The following HSPA2 variants were observed in gnomAD, a reference collection of about 807,000 sequenced individuals.
The protein encoded by HSPA2 is heat shock protein family A (Hsp70) member 2.
A neutral mutation model predicts 35.0 loss-of-function variants in HSPA2; 13 were observed. The observed-to-expected ratio is 0.37, with a 90% CI of 0.24 to 0.59. The LOEUF (loss-of-function observed/expected upper bound fraction) is 0.59, where lower values mean the gene tolerates loss of function less well. HSPA2 is among the 20% of genes least tolerant of loss of function. HSPA2 has a pLI of 0.70. For synonymous variants in HSPA2, 368 were observed against 382.1 expected (o/e 0.96, Z 0.43); for missense variants, 565 against 885.4 (o/e 0.64, Z 4.59).
chr14:64,536,707 C>G (rs2079982687), upstream of HSPA2, among the ~76,000 whole-genome samples: 1 of 152,188 alleles, frequency 6.6e-6, no homozygotes, highest in African/African-American at 2.4e-5. Flanking sequence ...CCACTGCATT[C>G]CAGCCTGGGT....
chr14:64,541,443 G>A lies in HSPA2; in HGVS notation c.594G>A (p.Val198=), dbSNP rs199807612. The stretch of plus-strand genomic sequence containing the variant: ...GCTGCGCGGGCGGCGAGAAGAACGT[G>A]CTCATCTTTGACCTGGGCGGTGGCA... ...KKGCAGGEKN[V]LIFDLGGGTF... Residue 198 remains valine (V), a synonymous_variant, in exon 1 of 1, where the codon GTG becomes GTA. Transcript: ENST00000247207. The A allele has an allele frequency of 1.2e-6, 2 of 1,613,488 alleles. No homozygotes were observed. The highest frequency in any genetic ancestry group is 2.7e-5 in the African/African-American group (2 of 74,878).
In HSPA2 at chr14:64,541,012, G is replaced by T. The variant is rs773563426; in HGVS notation, c.163G>T (p.Ala55Ser). ...GGACACCGAGCGCCTCATCGGCGAC[G>T]CCGCCAAGAACCAGGTGGCCATGAA... ...FTDTERLIGD[A>S]AKNQVAMNPT... Residue 55 changes from alanine (A) to serine (S), a missense_variant, in exon 1 of 1, where the codon GCC (alanine) becomes TCC (serine). Physicochemically the swap from Ala to Ser is moderately conservative, Grantham distance 99. This residue lies in a region of HSPA2 where 183 missense variants were observed against 281.6 expected (regional missense o/e 0.65). Transcript: ENST00000247207. 6.8e-6 allele frequency: 11 copies of T among 1,614,172 alleles called. No individual in the cohort carries two copies. Among genetic ancestry groups the T allele is most frequent in the Non-Finnish European group, 8.5e-6 (10 of 1,180,040 alleles).
chr14:64,536,798 A>G (rs2079983225), upstream of HSPA2, among the ~76,000 whole-genome samples: 1 of 152,176 alleles, frequency 6.6e-6, no homozygotes. Context: ...CTTTTTTGGG[A>G]AAAGCTTAGG....
Position 64,542,139 on chromosome 14 carries a change from C to G in HSPA2, c.1290C>G (p.Thr430=). Residue 430 remains threonine, a synonymous_variant, in exon 1 of 1, where the codon ACC becomes ACG. Coordinates refer to ENST00000247207, the MANE Select transcript of HSPA2 (RefSeq NM_021979.4). This position sits in a 1 kb window ranked among gnomAD's most constrained non-coding sequence, Gnocchi z 5.7. ...CGATCCCCACCAAGCAGACGCAGACCTTCACCACCTACTCGGACAACCAGA... is the reference window on the plus strand; with the variant it reads ...CGATCCCCACCAAGCAGACGCAGACGTTCACCACCTACTCGGACAACCAGA... ...NTTIPTKQTQ[T]FTTYSDNQSS... 6.2e-7 allele frequency: 1 copy of G among 1,613,688 alleles called. No homozygotes were observed. Among genetic ancestry groups the G allele is most frequent in the Non-Finnish European group, 8.5e-7 (1 of 1,180,010 alleles).
At chr14:64,540,731 G>C (rs912789298), upstream of HSPA2, 179 of 1,451,260 alleles carry the variant, frequency 1.2e-4, no homozygotes, top group Non-Finnish European at 1.6e-4. Flanking sequence ...GGAACTGGGC[G>C]CGGGGAGCTG....
At chr14:64,539,348 G>C (rs988903319), upstream of HSPA2, among the ~76,000 whole-genome samples, 1 of 152,128 alleles carries the variant, frequency 6.6e-6, no homozygotes, top group South Asian at 2.1e-4. Flanking sequence ...GTGTGCCAGG[G>C]TGACCGAGAC....
upstream of HSPA2, among the ~76,000 whole-genome samples, chr14:64,539,632 G>C (rs2080007697): frequency 6.6e-6 from 1 of 152,176 alleles, no homozygotes; most frequent in South Asian, 2.1e-4. Context: ...GCGGGAAAAC[G>C]GTCGGCCTCG....
At position 64,541,885 on chromosome 14, in the gene HSPA2, A is replaced by T; in HGVS notation, c.1036A>T (p.Ile346Phe). The change falls in exon 1 of 1, where the codon ATC becomes TTC. Residue 346 changes from isoleucine (I) to phenylalanine (F), a missense_variant. Transcript: ENST00000247207. The stretch of plus-strand genomic sequence containing the variant: ...CGTGCTGGTGGGCGGCTCCACTCGT[A>T]TCCCCAAGATCCAGAAGCTGCTGCA... ...EIVLVGGSTR[I>F]PKIQKLLQDF... 2 of 1,613,582 alleles carry T rather than the reference A, an allele frequency of 1.2e-6. No homozygotes were observed. Among genetic ancestry groups the T allele is most frequent in the Non-Finnish European group, 1.7e-6 (2 of 1,180,030 alleles).
At position 64,542,439 on chromosome 14, in the gene HSPA2, G is replaced by A. The variant is rs17853551; in HGVS notation, c.1590G>A (p.Ser530=). 1 of 1,613,878 alleles carries A rather than the reference G, an allele frequency of 6.2e-7. No individual in the cohort carries two copies. The highest frequency in any genetic ancestry group is 1.1e-5 in the South Asian group (1 of 91,060). Residue 530 remains serine (S), a synonymous_variant, in exon 1 of 1, where the codon TCG becomes TCA. Coordinates refer to ENST00000247207, the MANE Select transcript of HSPA2 (RefSeq NM_021979.4). The surrounding 1 kb of genome is among the most constrained non-coding windows in gnomAD (Gnocchi z 5.7). ...TGCAGGAGGCGGAGCGGTACAAATC[G>A]GAAGATGAGGCGAATCGCGACCGAG... The part of the protein sequence containing the change: ...RMVQEAERYK[S]EDEANRDRVA...
chr14:64,540,808 C>G lies in HSPA2; in HGVS notation c.-42C>G, dbSNP rs751507486. On this transcript the variant is annotated 5_prime_UTR_variant, in exon 1 of 1. Transcript: ENST00000247207. ...TTAGTTGACTCCGCGGAGTTCATCT[C>G]CCTGGTTTTCCCGTCCTAACGTCGC... 6.2e-7 allele frequency: 1 copy of G among 1,604,982 alleles called. No homozygotes were observed. Among genetic ancestry groups the G allele is most frequent in the Admixed American group, 1.7e-5 (1 of 59,618 alleles).
upstream of HSPA2, chr14:64,540,432 G>A (rs768853471): frequency 2.5e-5 from 6 of 241,892 alleles, no homozygotes; most frequent in Non-Finnish European, 4.1e-5. Context: ...GAAAAAGCGC[G>A]TACACCTGGC....
In HSPA2 at chr14:64,541,686, G is replaced by A. The variant is rs997116111; in HGVS notation, c.837G>A (p.Ser279=). Residue 279 remains serine (S), a synonymous_variant, in exon 1 of 1, where the codon TCG becomes TCA. Transcript: ENST00000247207. The stretch of plus-strand genomic sequence containing the variant: ...AGCGCGCCAAGCGCACCCTGAGCTC[G>A]TCCACGCAGGCGAGCATCGAGATCG... ...ACERAKRTLS[S]STQASIEIDS... is the part of the protein sequence containing the mutation. The A allele has an allele frequency of 6.2e-7, 1 of 1,611,868 alleles. No homozygotes were observed. Among genetic ancestry groups the A allele is most frequent in the Non-Finnish European group, 8.5e-7 (1 of 1,179,696 alleles).
upstream of HSPA2, among the ~76,000 whole-genome samples, chr14:64,537,059 C>G (rs1467466068): frequency 1.3e-5 from 2 of 152,312 alleles, no homozygotes; most frequent in South Asian, 2.1e-4. Context: ...CCTGCTTGCT[C>G]TTTTGCAATC....
upstream of HSPA2, among the ~76,000 whole-genome samples, chr14:64,538,877 G>A (rs892581252): frequency 2.6e-5 from 4 of 152,256 alleles, no homozygotes; most frequent in African/African-American, 4.8e-5. Flanking sequence ...TCGTTCTGTC[G>A]CCCAGGCTGG....
Position 64,542,722 on chromosome 14 carries a change from G to A in HSPA2, c.1873G>A (p.Gly625Ser). 2.5e-6 allele frequency: 4 copies of A among 1,613,436 alleles called. No homozygotes were observed. Among genetic ancestry groups the A allele is most frequent in the Middle Eastern group, 1.7e-4 (1 of 6,060 alleles). Reference sequence around the variant, plus strand: ...TGGTCCTGGCGGCGGCAGCGGCGGCGGCGGTTCAGGAGCCTCCGGGGGACC... The same window carrying A: ...TGGTCCTGGCGGCGGCAGCGGCGGCAGCGGTTCAGGAGCCTCCGGGGGACC... The part of the protein sequence containing the change: ...QGGPGGGSGG[G>S]GSGASGGPTI... The change falls in exon 1 of 1, where the codon GGC (glycine) becomes AGC (serine). Residue 625 changes from glycine to serine, a missense_variant. By Grantham distance (56) the Gly-to-Ser change is moderately conservative (BLOSUM62 0). Transcript: ENST00000247207. This position sits in a 1 kb window ranked among gnomAD's most constrained non-coding sequence, Gnocchi z 5.7.
chr14:64,542,499 C>T lies in HSPA2; in HGVS notation c.1650C>T (p.Tyr550=). The T allele has an allele frequency of 6.2e-7, 1 of 1,613,454 alleles. No individual in the cohort carries two copies. The highest frequency in any genetic ancestry group is 2.2e-5 in the East Asian group (1 of 44,804). ...AAAACGCCCTGGAGTCCTATACCTACAACATCAAGCAGACGGTGGAAGACG... is the reference window on the plus strand; with the variant it reads ...AAAACGCCCTGGAGTCCTATACCTATAACATCAAGCAGACGGTGGAAGACG... ...AAKNALESYT[Y]NIKQTVEDEK... Residue 550 remains tyrosine (Y), a synonymous_variant, in exon 1 of 1, where the codon TAC becomes TAT. Transcript: ENST00000247207. This position sits in a 1 kb window ranked among gnomAD's most constrained non-coding sequence, Gnocchi z 5.7.
At position 64,541,243 on chromosome 14, in the gene HSPA2, G is replaced by A; in HGVS notation, c.394G>A (p.Ala132Thr). 1 of 1,614,084 alleles carries A rather than the reference G, an allele frequency of 6.2e-7. No homozygotes were observed. The change falls in exon 1 of 1, where the codon GCG becomes ACG. Residue 132 changes from alanine (A) to threonine (T), a missense_variant. This residue lies in a region of HSPA2 where 183 missense variants were observed against 281.6 expected (regional missense o/e 0.65). Coordinates refer to ENST00000247207, the MANE Select transcript of HSPA2 (RefSeq NM_021979.4). ...SMVLTKMKEI[A>T]EAYLGGKVHS... ...GGTCCTCACGAAGATGAAGGAGATCGCGGAAGCCTACCTGGGGGGCAAGGT... is the reference window on the plus strand; with the variant it reads ...GGTCCTCACGAAGATGAAGGAGATCACGGAAGCCTACCTGGGGGGCAAGGT...
In HSPA2 at chr14:64,542,002, G is replaced by A. The variant is rs758218792; in HGVS notation, c.1153G>A (p.Gly385Ser). The change falls in exon 1 of 1, where the codon GGC becomes AGC. Residue 385 changes from glycine (G) to serine (S), a missense_variant. Gly to Ser is a moderately conservative substitution (Grantham distance 56). Coordinates refer to ENST00000247207, the MANE Select transcript of HSPA2 (RefSeq NM_021979.4). The surrounding 1 kb of genome is among the most constrained non-coding windows in gnomAD (Gnocchi z 5.7). ...GAAVQAAILI[G>S]DKSENVQDLL... The stretch of plus-strand genomic sequence containing the variant: ...CGCGGTGCAGGCGGCCATCCTCATC[G>A]GCGACAAATCAGAGAATGTGCAGGA... 6 of 1,613,396 alleles carry A rather than the reference G, an allele frequency of 3.7e-6. No homozygotes were observed. Among genetic ancestry groups the A allele is most frequent in the African/African-American group, 1.3e-5 (1 of 74,908 alleles).
chr14:64,540,728 G>A (rs569498121), upstream of HSPA2: 840 of 1,445,784 alleles, frequency 5.8e-4, 2 homozygotes, highest in Non-Finnish European at 7.2e-4. Context: ...CCGGGAACTG[G>A]GCGCGGGGAG....
Sources: gnomAD v4.1 joint callset for allele counts (sites outside exome capture counted in the v4.1 genomes callset) on GRCh38, gnomAD v4.1.1 for gene constraint, gnomAD v4.1.1 regional missense constraint, Gnocchi (gnomAD v3.1) non-coding constraint, MANE v1.5 for transcripts, NCBI Gene and HGNC (gene_info 2026-07-23, HGNC 2026-07-21) for gene names.